The following GPRC5C variants were observed in gnomAD, a reference collection of about 807,000 sequenced individuals.
The protein encoded by GPRC5C is G protein-coupled receptor class C group 5 member C.
Under a neutral mutation model 31.4 loss-of-function variants are expected in GPRC5C, and 22 were observed. The observed-to-expected ratio is 0.70, with a 90% CI of 0.50 to 1.00. GPRC5C has a LOEUF of 1.00. Among genes scored for constraint, GPRC5C ranks in the 50% least tolerant of loss-of-function variants. The pLI is 0.00. For missense variants in GPRC5C, 557 were observed against 597.2 expected (o/e 0.93, Z 0.70); for synonymous variants, 249 against 257.5 (o/e 0.97, Z 0.32).
intron 2 of GPRC5C, chr17:74,443,469 T>G: frequency 2.4e-6 from 1 of 420,684 alleles, no homozygotes; most frequent in Non-Finnish European, 4.6e-6. Context: ...CGAAGGCCCA[T>G]GTGTCCTCTT....
Position 74,434,386 on chromosome 17 carries a change from A to G in GPRC5C, c.-33+2245A>G, listed in dbSNP as rs529907911. ...ATCCAGAGGTGACTTCCAAATGCCC[A>G]CTGTGTTCAGGCACAGCACCAGCTG... is the stretch of plus-strand genomic sequence containing the variant. On this transcript the variant is annotated intron_variant, in intron 1 of 3. Coordinates refer to ENST00000392627, the MANE Select transcript of GPRC5C (RefSeq NM_022036.4). Among the ~76,000 whole-genome samples, 6 of 152,334 alleles carry G rather than the reference A, an allele frequency of 3.9e-5. No individual in the cohort carries two copies. In the South Asian group the frequency reaches 1.2e-3, roughly 32 times the overall value.
At chr17:74,451,503 C>T (rs923413453), downstream of GPRC5C, 2 of 152,184 alleles carry the variant, frequency 1.3e-5, no homozygotes, top group African/African-American at 4.8e-5. Context: ...TGGAAAAAGA[C>T]TAGAAGAGGC....
chr17:74,439,629 C>A, intron 1 of GPRC5C, 116 bp from the exon 2 acceptor site: 1 of 935,744 alleles, frequency 1.1e-6, no homozygotes, highest in Non-Finnish European at 1.6e-6. Context: ...GTCCAGAGAG[C>A]CTCACGGTCA....
chr17:74,432,670 C>A (rs2055372383), intron 1 of GPRC5C: 1 of 260,112 alleles, frequency 3.8e-6, no homozygotes, highest in African/African-American at 2.3e-5. Context: ...AGTTTTCAAA[C>A]CCGAGCCGGC....
In GPRC5C at chr17:74,443,805, CT is replaced by C; in HGVS notation, c.1052-9del. 2 of 1,591,922 alleles carry C rather than the reference CT, an allele frequency of 1.3e-6. No homozygotes were observed. Among genetic ancestry groups the C allele is most frequent in the Non-Finnish European group, 1.7e-6 (2 of 1,159,776 alleles). ...CCCTGGGATCTTCAAACTGTTCCTG[CT>C]TTTCCTTGTAGCTAAGAGGCCGGTG... is the stretch of plus-strand genomic sequence containing the variant. On this transcript the variant is annotated splice_polypyrimidine_tract_variant and intron_variant, in intron 2 of 3. Transcript: ENST00000392627.
At chr17:74,438,252 TTTG>T (rs146623867) in intron 1 of GPRC5C, among the ~76,000 whole-genome samples, 2,412 of 106,996 alleles carry the variant, frequency 0.023, 306 homozygotes, top group African/African-American at 0.1. Flanking sequence ...TATATATATA[TTTG>T]TTGTTGTTGT....
intron 2 of GPRC5C, among the ~76,000 whole-genome samples, chr17:74,441,035 G>A (rs982710956): frequency 6.6e-6 from 1 of 151,906 alleles, no homozygotes; most frequent in Admixed American, 6.6e-5. Flanking sequence ...AGCACTTTGG[G>A]AGGCCAAGGC....
At chr17:74,432,900 G>C (rs951595810) in intron 1 of GPRC5C, among the ~76,000 whole-genome samples, 1 of 152,000 alleles carries the variant, frequency 6.6e-6, no homozygotes, top group African/African-American at 2.4e-5. Flanking sequence ...AGAGTGACTG[G>C]TTCCCTTGCT....
downstream of GPRC5C, chr17:74,450,676 C>T (rs946576175): frequency 2.6e-5 from 4 of 152,164 alleles, no homozygotes; most frequent in East Asian, 1.9e-4. Context: ...TTTGAGCCCT[C>T]GGACATGCTC....
chr17:74,433,412 G>A (rs942477825), intron 1 of GPRC5C, among the ~76,000 whole-genome samples: 2 of 152,072 alleles, frequency 1.3e-5, no homozygotes, highest in Non-Finnish European at 2.9e-5. Flanking sequence ...GGGGGATAGG[G>A]GTGGGGTGTC....
intron 1 of GPRC5C, among the ~76,000 whole-genome samples, chr17:74,437,899 A>C (rs2055457753): frequency 6.6e-6 from 1 of 152,084 alleles, no homozygotes; most frequent in African/African-American, 2.4e-5. Flanking sequence ...TTTCCCAGAG[A>C]GTTCCTGATG....
Position 74,443,875 on chromosome 17 carries a change from A to T in GPRC5C, c.1109A>T (p.Tyr370Phe), listed in dbSNP as rs1289333217. Residue 370 changes from tyrosine (Y) to phenylalanine (F), a missense_variant, in exon 3 of 4, where the codon TAC (tyrosine) becomes TTC (phenylalanine). Physicochemically the swap from Tyr to Phe is conservative, Grantham distance 22 (BLOSUM62 3). Coordinates refer to ENST00000392627, the MANE Select transcript of GPRC5C (RefSeq NM_022036.4). Reference sequence around the variant, plus strand: ...AATGGGCAGCTGCTGACCAGTGTGTACCAGCCCACTGAGATGGCCCTGATG... The same window carrying T: ...AATGGGCAGCTGCTGACCAGTGTGTTCCAGCCCACTGAGATGGCCCTGATG... Reference protein sequence around the residue: ...GYNGQLLTSVYQPTEMALMHK... With the variant: ...GYNGQLLTSVFQPTEMALMHK... 3.1e-6 allele frequency: 5 copies of T among 1,613,472 alleles called. No individual in the cohort carries two copies. The highest frequency in any genetic ancestry group is 3.3e-5 in the Admixed American group (2 of 59,972).
intron 2 of GPRC5C, among the ~76,000 whole-genome samples, chr17:74,442,839 T>G (rs1598432074): frequency 6.6e-6 from 1 of 150,510 alleles, no homozygotes; most frequent in African/African-American, 2.5e-5. Flanking sequence ...ATGGCGGGGG[T>G]GGAATTGGCA....
intron 3 of GPRC5C, among the ~76,000 whole-genome samples, chr17:74,444,615 C>T (rs764719709): frequency 6.6e-6 from 1 of 152,174 alleles, no homozygotes; most frequent in Non-Finnish European, 1.5e-5. Flanking sequence ...CCCCTCCCCG[C>T]CCTCTCTGTG....
At chr17:74,432,472 C>T in intron 1 of GPRC5C, 1 of 1,062,450 alleles carries the variant, frequency 9.4e-7, no homozygotes, top group Non-Finnish European at 1.1e-6. Flanking sequence ...CCGCCTGGGG[C>T]TGGAGTTGGC....
rs144018721 is a variant in GPRC5C, at chr17:74,446,572, G to T, written c.1147-277G>T. 310 of 397,048 alleles carry T rather than the reference G, an allele frequency of 7.8e-4. 1 individual carries two copies. Among genetic ancestry groups the T allele is most frequent in the African/African-American group, 6.0e-3 (295 of 49,052 alleles). 24.6% of individuals were successfully genotyped at this position (397,048 alleles called of 1,614,324 possible). On this transcript the variant is annotated intron_variant, in intron 3 of 3. Transcript: ENST00000392627. ...GCATTTCCCTAAACAATTGGAAGTA[G>T]GAGGGTCTTGAGAAGGGGATCCCCC...
chr17:74,433,644 A>G, intron 1 of GPRC5C: 10 of 1,347,822 alleles, frequency 7.4e-6, no homozygotes, highest in African/African-American at 1.4e-5. Flanking sequence ...CTTTCCCTAT[A>G]GGCTCTTGAG....
rs144516528 is a variant in GPRC5C at position 74,446,928 on chromosome 17, G to A, written c.1226G>A (p.Arg409Gln). 1.1e-5 allele frequency: 17 copies of A among 1,614,012 alleles called. No homozygotes were observed. Among genetic ancestry groups the A allele is most frequent in the African/African-American group, 6.7e-5 (5 of 74,952 alleles). Reference protein sequence around the residue: ...QVMGSANSTLRAEDMYSAQSH... With the variant: ...QVMGSANSTLQAEDMYSAQSH... ...ATGGGCAGTGCCAACTCGACCCTGC[G>A]GGCTGAAGACATGTACTCGGCCCAG... Residue 409 changes from arginine (R) to glutamine (Q), a missense_variant, in exon 4 of 4, where the codon CGG becomes CAG. Physicochemically the swap from Arg to Gln is conservative, Grantham distance 43. Coordinates refer to ENST00000392627, the MANE Select transcript of GPRC5C (RefSeq NM_022036.4).
At chr17:74,449,433 C>T, downstream of GPRC5C, 3 of 979,036 alleles carry the variant, frequency 3.1e-6, no homozygotes, top group East Asian at 1.2e-4. Flanking sequence ...CTGGACCGGG[C>T]CCAGCACCTT....
Sources: gnomAD v4.1 joint callset for allele counts (sites outside exome capture counted in the v4.1 genomes callset) on GRCh38, gnomAD v4.1.1 for gene constraint, MANE v1.5 for transcripts, NCBI Gene and HGNC (gene_info 2026-07-23, HGNC 2026-07-21) for gene names.